ARID5B: variants seen among roughly 807,000 people sequenced by gnomAD.
ARID5B encodes the protein AT-rich interaction domain 5B, also known as AT-rich interactive domain-containing protein 5B.
A neutral mutation model predicts 97.2 loss-of-function variants in ARID5B; 13 were observed. The ratio of observed to expected loss-of-function variants is 0.13; its 90% CI spans 0.09 to 0.21. The LOEUF (loss-of-function observed/expected upper bound fraction) is 0.21. Among genes scored for constraint, ARID5B ranks in the 10% least tolerant of loss-of-function variants. The pLI is 1.00. For synonymous variants in ARID5B, 556 were observed against 570.3 expected (o/e 0.97, Z 0.36); for missense variants, 1,210 against 1,465.3 (o/e 0.83, Z 2.84).
At chr10:62,016,681 A>C (rs1839288650) in intron 4 of ARID5B, among the ~76,000 whole-genome samples, 2 of 152,338 alleles carry the variant, frequency 1.3e-5, no homozygotes, top group Non-Finnish European at 2.9e-5. Flanking sequence ...TTAGAAAAGC[A>C]CTGGCTTCTT....
chr10:62,032,125 C>G (rs1219010855), intron 4 of ARID5B, among the ~76,000 whole-genome samples: 1 of 151,946 alleles, frequency 6.6e-6, no homozygotes, highest in Non-Finnish European at 1.5e-5. Context: ...CCAGCCAGGG[C>G]AACAAAGTGT....
rs544760958 is a variant in ARID5B at position 61,905,729 on chromosome 10, CTAGT to C, written c.276+3319_276+3322del. Reference sequence around the variant, plus strand: ...TCCCTCAGACATTTTAGAATTGTAACTAGTTAATCAGTTTTGCCAAAGGTCACCA... The same window carrying C: ...TCCCTCAGACATTTTAGAATTGTAACTAATCAGTTTTGCCAAAGGTCACCA... On this transcript the variant is annotated intron_variant, in intron 2 of 9. Coordinates refer to ENST00000279873, the MANE Select transcript of ARID5B (RefSeq NM_032199.3). 9.2e-5 allele frequency among the ~76,000 whole-genome samples: 14 copies of C among 152,252 alleles called. No homozygotes were observed. The East Asian group carries it at 2.5e-3, about 27-fold the overall frequency.
intron 2 of ARID5B, among the ~76,000 whole-genome samples, chr10:61,912,825 C>T (rs1011846848): frequency 2.0e-5 from 3 of 152,044 alleles, no homozygotes; most frequent in Admixed American, 6.6e-5. Context: ...AAGTTACCCC[C>T]CAGTTGCTTG....
chr10:62,044,375 CTT>C (rs10586947), intron 4 of ARID5B, among the ~76,000 whole-genome samples: 61,291 of 129,542 alleles, frequency 0.47, 14,556 homozygotes, highest in East Asian at 0.62. Context: ...TTCATTTGCT[CTT>C]TTTTTTTTTT....
At chr10:62,065,044 G>T (rs1839968250) in intron 7 of ARID5B, among the ~76,000 whole-genome samples, 1 of 152,142 alleles carries the variant, frequency 6.6e-6, no homozygotes, top group African/African-American at 2.4e-5. Flanking sequence ...AAAGTGCTGG[G>T]ATTACAGGCG....
At chr10:61,948,584 C>T (rs925474862) in intron 3 of ARID5B, among the ~76,000 whole-genome samples, 2 of 151,866 alleles carry the variant, frequency 1.3e-5, no homozygotes, top group Non-Finnish European at 2.9e-5. Context: ...GCCAGGATGG[C>T]CTCGATCTCC....
chr10:62,027,674 CT>C (rs1364411399), intron 4 of ARID5B, among the ~76,000 whole-genome samples: 1 of 151,824 alleles, frequency 6.6e-6, no homozygotes, highest in Non-Finnish European at 1.5e-5. Context: ...CAGTATGCAC[CT>C]TTTTTAACTT....
chr10:62,063,000 C>T (rs1839941808), intron 7 of ARID5B, among the ~76,000 whole-genome samples: 1 of 152,178 alleles, frequency 6.6e-6, no homozygotes, highest in Non-Finnish European at 1.5e-5. Context: ...TGTGGCTTTC[C>T]ATTCCTAGCA....
At chr10:62,047,172 C>T (rs532335184) in intron 4 of ARID5B, among the ~76,000 whole-genome samples, 1 of 152,226 alleles carries the variant, frequency 6.6e-6, no homozygotes, top group East Asian at 1.9e-4. Flanking sequence ...GTTTCCTGGT[C>T]TGTAAGATGG....
chr10:61,987,400 C>G (rs1838862697), intron 3 of ARID5B, among the ~76,000 whole-genome samples: 1 of 152,216 alleles, frequency 6.6e-6, no homozygotes, highest in Non-Finnish European at 1.5e-5. Flanking sequence ...AGCTCCTGCC[C>G]TTCAAAGAAC....
In ARID5B at chr10:61,916,682, G is replaced by A. The variant is rs116314166; in HGVS notation, c.276+14269G>A. 5.8e-3 allele frequency among the ~76,000 whole-genome samples: 886 copies of A among 152,248 alleles called. 5 individuals are homozygous for A. Among genetic ancestry groups the A allele is most frequent in the African/African-American group, 0.02 (844 of 41,550 alleles). ...CAAGCTGTTTTAATTCCAAAATGCA[G>A]GTGACAGAAACATTGTGCTGTCCTG... On this transcript the variant is annotated intron_variant, in intron 2 of 9. Coordinates refer to ENST00000279873, the MANE Select transcript of ARID5B (RefSeq NM_032199.3).
intron 2 of ARID5B, among the ~76,000 whole-genome samples, chr10:61,930,603 C>T (rs996162546): frequency 2.0e-5 from 3 of 151,750 alleles, no homozygotes; most frequent in East Asian, 1.9e-4. Flanking sequence ...ACCTGTAGTC[C>T]CAGCTACTCG....
chr10:62,014,357 A>G (rs1839256636), intron 4 of ARID5B, among the ~76,000 whole-genome samples: 1 of 152,208 alleles, frequency 6.6e-6, no homozygotes, highest in African/African-American at 2.4e-5. Context: ...AGCTCCTCCC[A>G]TAATTGCTTC....
intron 8 of ARID5B, 115 bp from the exon 9 acceptor site, chr10:62,085,587 G>T (rs1840269481): frequency 2.4e-6 from 2 of 848,896 alleles, no homozygotes; most frequent in Non-Finnish European, 3.8e-6. Flanking sequence ...CACTGTCACT[G>T]GAGATGAAGT....
Position 62,096,473 on chromosome 10 carries a change from G to A in ARID5B, c.*3443G>A, listed in dbSNP as rs752613710. ...TTGCCCTGGTGAGACCCATACCATT[G>A]CAATGATTATCTTGAGCACTTAAAG... On this transcript the variant is annotated 3_prime_UTR_variant, in exon 10 of 10. Coordinates refer to ENST00000279873, the MANE Select transcript of ARID5B (RefSeq NM_032199.3). The A allele has an allele frequency of 1.5e-4, 35 of 233,450 alleles. No individual in the cohort carries two copies. The highest frequency in any genetic ancestry group is 2.2e-4 in the Non-Finnish European group (26 of 118,004). The allele number at this position is 233,450 out of a possible 1,614,324, so 14.5% of individuals were successfully genotyped here. A position where few individuals can be genotyped will look rare whatever the true frequency, so the allele number is the denominator to read the frequency against.
intron 4 of ARID5B, among the ~76,000 whole-genome samples, chr10:62,048,242 A>G (rs1564636278): frequency 6.6e-6 from 1 of 152,230 alleles, no homozygotes; most frequent in Non-Finnish European, 1.5e-5. Context: ...CAACAAATAC[A>G]TGTTATGCAA....
intron 4 of ARID5B, among the ~76,000 whole-genome samples, chr10:62,009,775 T>A (rs187226074): frequency 1.5e-3 from 223 of 152,154 alleles, no homozygotes; most frequent in African/African-American, 5.0e-3. Flanking sequence ...AAGGGCAAAG[T>A]GAGGAGGTCA....
In ARID5B at chr10:62,000,713, C is replaced by T. The variant is rs1005145458; in HGVS notation, c.733+392C>T. Among the ~76,000 whole-genome samples the T allele has an allele frequency of 3.0e-4, 45 of 151,992 alleles. No homozygotes were observed. Among genetic ancestry groups the T allele is most frequent in the African/African-American group, 1.0e-3 (43 of 41,368 alleles). On this transcript the variant is annotated intron_variant, in intron 4 of 9. Coordinates refer to ENST00000279873, the MANE Select transcript of ARID5B (RefSeq NM_032199.3). The surrounding 1 kb of genome is among the most constrained non-coding windows in gnomAD (Gnocchi z 4.4). Reference sequence around the variant, plus strand: ...ATTGTAAAAATGCACCAATGGTAACCACTTCAGTAGTAAACAGTGAATAGA... The same window carrying T: ...ATTGTAAAAATGCACCAATGGTAACTACTTCAGTAGTAAACAGTGAATAGA...
In ARID5B at chr10:62,017,237, G is replaced by A. The variant is rs549081989; in HGVS notation, c.733+16916G>A. Among the ~76,000 whole-genome samples, 7 of 152,288 alleles carry A rather than the reference G, an allele frequency of 4.6e-5. No homozygotes were observed. In the South Asian group the frequency reaches 1.5e-3, roughly 32 times the overall value. ...GGAGGCCAAGGTGGGTGGATCACCT[G>A]AGGTCAGGAGTTGAAGACCAGCCTG... On this transcript the variant is annotated intron_variant, in intron 4 of 9. Transcript: ENST00000279873.
Sources: allele counts gnomAD v4.1 joint callset (sites outside exome capture counted in the v4.1 genomes callset), GRCh38; gene constraint gnomAD v4.1.1; non-coding constraint Gnocchi (gnomAD v3.1); transcripts MANE v1.5; gene names NCBI Gene and HGNC (gene_info 2026-07-23, HGNC 2026-07-21).